GALNTL6: variants seen among roughly 807,000 people sequenced by gnomAD.
GALNTL6 encodes the protein polypeptide N-acetylgalactosaminyltransferase-like 6.
Under a neutral mutation model 73.7 loss-of-function variants are expected in GALNTL6, and 46 were observed. That is an observed-to-expected ratio of 0.62 (90% CI 0.49 to 0.80). The LOEUF (loss-of-function observed/expected upper bound fraction) is 0.80. Ranked by LOEUF, GALNTL6 falls within the 30% of genes least tolerant of loss-of-function variation. GALNTL6 has a pLI of 0.00. For missense variants in GALNTL6, 604 were observed against 755.0 expected, an observed-to-expected ratio of 0.80 and a Z score of 2.34; for synonymous variants, 259 against 263.7, an observed-to-expected ratio of 0.98 and a Z score of 0.17.
At chr4:172,052,198 T>C (rs1296913322) in intron 2 of GALNTL6, among the ~76,000 whole-genome samples, 1 of 152,240 alleles carries the variant, frequency 6.6e-6, no homozygotes, top group Non-Finnish European at 1.5e-5. Flanking sequence ...AGAGGGCTTC[T>C]AGCTCTGTTC....
At chr4:172,670,868 G>A (rs868080017) in intron 5 of GALNTL6, among the ~76,000 whole-genome samples, 2 of 152,068 alleles carry the variant, frequency 1.3e-5, no homozygotes, top group Non-Finnish European at 1.5e-5. Flanking sequence ...TTCTATATAT[G>A]GCTACCCAGT....
intron 8 of GALNTL6, among the ~76,000 whole-genome samples, chr4:172,893,346 G>C (rs529485815): frequency 7.1e-5 from 7 of 98,138 alleles, no homozygotes; most frequent in South Asian, 6.0e-4. Flanking sequence ...TGAGAGTGGC[G>C]GGGGGGGGGT....
At chr4:172,749,992 C>G (rs781044356) in intron 5 of GALNTL6, among the ~76,000 whole-genome samples, 1 of 152,110 alleles carries the variant, frequency 6.6e-6, no homozygotes, top group Non-Finnish European at 1.5e-5. Flanking sequence ...ATTGATCAGT[C>G]TATTGAAATT....
chr4:172,298,850 A>C (rs1356197577), intron 3 of GALNTL6, among the ~76,000 whole-genome samples: 4 of 152,168 alleles, frequency 2.6e-5, no homozygotes, highest in Non-Finnish European at 1.5e-5. Context: ...TGTCTCTGCC[A>C]GGCTTTGGTA....
intron 2 of GALNTL6, among the ~76,000 whole-genome samples, chr4:171,893,364 A>T (rs980218629): frequency 2.0e-5 from 3 of 152,210 alleles, no homozygotes; most frequent in African/African-American, 7.2e-5. Context: ...ATTTTTAGTG[A>T]ATAAACTGAG....
rs571804759 is a variant in GALNTL6 at position 171,885,078 on chromosome 4, A to C, written c.138+70360A>C. Among the ~76,000 whole-genome samples, 8 of 151,762 alleles carry C rather than the reference A, an allele frequency of 5.3e-5. No individual in the cohort carries two copies. The East Asian group carries it at 1.6e-3, about 29-fold the overall frequency. On this transcript the variant is annotated intron_variant, in intron 2 of 12. Transcript: ENST00000506823. ...CCTCAAAAAAAAAGAAAAGAAAAGAAAAAGAATGTGTTATTTAGTGTAAAA... is the reference window on the plus strand; with the variant it reads ...CCTCAAAAAAAAAGAAAAGAAAAGACAAAGAATGTGTTATTTAGTGTAAAA...
chr4:171,843,582 T>C (rs561993968), intron 2 of GALNTL6, among the ~76,000 whole-genome samples: 4 of 152,138 alleles, frequency 2.6e-5, no homozygotes, highest in African/African-American at 4.8e-5. Flanking sequence ...TAACCGCAAA[T>C]GGGCAAACTT....
At chr4:172,445,950 G>T (rs1339304635) in intron 5 of GALNTL6, among the ~76,000 whole-genome samples, 1 of 152,064 alleles carries the variant, frequency 6.6e-6, no homozygotes, top group African/African-American at 2.4e-5. Flanking sequence ...CCTGTCCTGT[G>T]CCAATACTGG....
At chr4:171,949,172 T>G (rs1457199366) in intron 2 of GALNTL6, among the ~76,000 whole-genome samples, 4 of 151,926 alleles carry the variant, frequency 2.6e-5, no homozygotes, top group Admixed American at 6.6e-5. Flanking sequence ...CAGGAGAGAG[T>G]GCACAGAGGC....
In GALNTL6 at chr4:172,352,075, A is replaced by G. The variant is rs141712600; in HGVS notation, c.553+3386A>G. 4.9e-3 allele frequency among the ~76,000 whole-genome samples: 741 copies of G among 152,308 alleles called. 9 individuals are homozygous for G. The highest frequency in any genetic ancestry group is 0.017 in the African/African-American group (714 of 41,570). On this transcript the variant is annotated intron_variant, in intron 5 of 12. Transcript: ENST00000506823. ...CTTAGAATGCATATTTACAACAAAT[A>G]TAAGTATATAGTAATTGTTAAATTC...
At chr4:172,111,274 T>G (rs1363614565) in intron 2 of GALNTL6, among the ~76,000 whole-genome samples, 1 of 152,126 alleles carries the variant, frequency 6.6e-6, no homozygotes, top group Non-Finnish European at 1.5e-5. Flanking sequence ...CAGCCCGGTC[T>G]TACAAATTTA....
At chr4:172,918,185 A>G (rs1303213579) in intron 8 of GALNTL6, among the ~76,000 whole-genome samples, 1 of 152,176 alleles carries the variant, frequency 6.6e-6, no homozygotes, top group Non-Finnish European at 1.5e-5. Context: ...TGGGAATTGA[A>G]CAATGAGAAC....
At chr4:171,941,025 A>C (rs1434244926) in intron 2 of GALNTL6, among the ~76,000 whole-genome samples, 1 of 152,058 alleles carries the variant, frequency 6.6e-6, no homozygotes, top group Non-Finnish European at 1.5e-5. Flanking sequence ...GTCAGGAGTC[A>C]ATACCAGGAG....
chr4:172,449,936 CT>C lies in GALNTL6; in HGVS notation c.553+101248del, dbSNP rs1167324389. On this transcript the variant is annotated intron_variant, in intron 5 of 12. Transcript: ENST00000506823. ...AATTACTTATTTCAGCTGCCTCCCC[CT>C]GTTGGGTGCTGTGGCTCACACCTGT... Among the ~76,000 whole-genome samples the C allele has an allele frequency of 6.6e-5, 10 of 152,228 alleles. No individual in the cohort carries two copies. The East Asian group carries it at 1.2e-3, about 18-fold the overall frequency.
At chr4:172,023,273 A>G (rs534498752) in intron 2 of GALNTL6, among the ~76,000 whole-genome samples, 2 of 151,518 alleles carry the variant, frequency 1.3e-5, no homozygotes, top group South Asian at 4.2e-4. Flanking sequence ...ATATATATAT[A>G]TATTTGTCAA....
chr4:172,343,863 C>A (rs919180217), intron 4 of GALNTL6, among the ~76,000 whole-genome samples: 3 of 151,758 alleles, frequency 2.0e-5, no homozygotes, highest in East Asian at 3.9e-4. Context: ...TAAACTATTT[C>A]TTTTGTCTTC....
chr4:172,653,105 C>T (rs1740552983), intron 5 of GALNTL6, among the ~76,000 whole-genome samples: 1 of 151,928 alleles, frequency 6.6e-6, no homozygotes, highest in African/African-American at 2.4e-5. Flanking sequence ...TCTCATCTCT[C>T]ATCTCCTGCT....
intron 5 of GALNTL6, among the ~76,000 whole-genome samples, chr4:172,352,451 C>G (rs1205549470): frequency 6.6e-6 from 1 of 152,098 alleles, no homozygotes; most frequent in African/African-American, 2.4e-5. Flanking sequence ...TTCCAGTAAG[C>G]TCTGAGAAAT....
chr4:173,037,775 C>T (rs1753753749), intron 12 of GALNTL6, among the ~76,000 whole-genome samples: 1 of 151,002 alleles, frequency 6.6e-6, no homozygotes, highest in Admixed American at 6.6e-5. Flanking sequence ...CAGAGTCTTG[C>T]TCTGTCTCCC....
Sources: allele counts gnomAD v4.1 joint callset (sites outside exome capture counted in the v4.1 genomes callset), GRCh38; gene constraint gnomAD v4.1.1; transcripts MANE v1.5; gene names NCBI Gene and HGNC (gene_info 2026-07-23, HGNC 2026-07-21).